POTEJ: variants seen among roughly 807,000 people sequenced by gnomAD.
POTEJ encodes the protein POTE ankyrin domain family, member J.
In POTEJ, 11 loss-of-function variants were observed where a neutral mutation model predicts 69.0. The ratio of observed to expected loss-of-function variants is 0.16; its 90% confidence interval spans 0.10 to 0.26. POTEJ has a LOEUF of 0.26. Among genes scored for constraint, POTEJ ranks in the 10% least tolerant of loss-of-function variants. The pLI, the probability that POTEJ is intolerant of heterozygous loss-of-function variation, is 1.00. For missense variants in POTEJ, 327 were observed against 1,045.5 expected, an observed-to-expected ratio of 0.31 and a Z score of 9.48; for synonymous variants, 117 against 381.1, an observed-to-expected ratio of 0.31 and a Z score of 8.07.
Position 130,646,468 on chromosome 2 carries a change from C to T in POTEJ, c.1667+158C>T, listed in dbSNP as rs181166167. ...TGAAAATCAGCAAACAATCAGTTAC[C>T]GTTTTTTTTCCAGTCGTTAATTTAT... On this transcript the variant is annotated intron_variant, in intron 13 of 14. Transcript: ENST00000409602. Among the ~76,000 whole-genome samples, 6 of 132,144 alleles carry T rather than the reference C, an allele frequency of 4.5e-5. No homozygotes were observed. In the East Asian group the frequency reaches 1.0e-3, roughly 22 times the overall value. The allele number at this position is 132,144 out of a possible 152,430, so 86.7% of individuals were successfully genotyped here.
intron 10 of POTEJ, among the ~76,000 whole-genome samples, chr2:130,640,890 C>A (rs1489171889): frequency 1.3e-5 from 2 of 152,170 alleles, no homozygotes; most frequent in African/African-American, 4.8e-5. Context: ...AGGGAGCCAA[C>A]AATGTGTGCT....
chr2:130,637,349 C>T (rs1295452934), intron 9 of POTEJ, among the ~76,000 whole-genome samples: 2 of 151,160 alleles, frequency 1.3e-5, no homozygotes. Context: ...TGGAGTCTCG[C>T]TGTATCGCCC....
chr2:130,645,300 T>C (rs1363865027), intron 11 of POTEJ, among the ~76,000 whole-genome samples: 10 of 33,268 alleles, frequency 3.0e-4, no homozygotes. Flanking sequence ...AGCACTTCAG[T>C]GCACTGTAGG....
chr2:130,641,725 G>C (rs1449615565), intron 10 of POTEJ, among the ~76,000 whole-genome samples: 1 of 151,904 alleles, frequency 6.6e-6, no homozygotes, highest in African/African-American at 2.4e-5. Context: ...TTCTATGCAT[G>C]TTTAATGGAA....
chr2:130,649,535 C>A (rs1686725097), intron 13 of POTEJ, among the ~76,000 whole-genome samples: 1 of 152,076 alleles, frequency 6.6e-6, no homozygotes, highest in African/African-American at 2.4e-5. Flanking sequence ...AAAGCTTCCC[C>A]TTTCATCAAT....
At chr2:130,626,881 G>C (rs924661844) in intron 6 of POTEJ, among the ~76,000 whole-genome samples, 1 of 152,150 alleles carries the variant, frequency 6.6e-6, no homozygotes, top group Non-Finnish European at 1.5e-5. Context: ...TTTTTTTCAT[G>C]TAAGAAATAA....
At chr2:130,652,101 T>C (rs1686830254) in intron 13 of POTEJ, among the ~76,000 whole-genome samples, 3 of 137,920 alleles carry the variant, frequency 2.2e-5, no homozygotes, top group Admixed American at 2.1e-4. Context: ...CATGCTGTTC[T>C]TGTGATAGTG....
In POTEJ at chr2:130,657,390, A is replaced by T; in HGVS notation, c.2630A>T (p.Glu877Val). The change falls in exon 15 of 15, where the codon GAG becomes GTG. Residue 877 changes from glutamate (E) to valine (V), a missense_variant. By Grantham distance (121) the Glu-to-Val change is moderately radical (BLOSUM62 -2). Transcript: ENST00000409602. ...CGGGAAATCGTGCGTGACATCAAAG[A>T]GAAGCTGTGCTATGTTGCCCTGGAC... Reference protein sequence around the residue: ...AEREIVRDIKEKLCYVALDFE... With the variant: ...AEREIVRDIKVKLCYVALDFE... 6.3e-7 allele frequency: 1 copy of T among 1,586,590 alleles called. No individual in the cohort carries two copies. The highest frequency in any genetic ancestry group is 8.6e-7 in the Non-Finnish European group (1 of 1,160,342).
intron 3 of POTEJ, among the ~76,000 whole-genome samples, chr2:130,617,806 T>TTG (rs760103928): frequency 6.4e-3 from 976 of 151,362 alleles, no homozygotes; most frequent in African/African-American, 0.02. Flanking sequence ...CATGAAGAGG[T>TTG]TGTGTGTGTG....
rs745596739 is a variant in POTEJ, at chr2:130,657,389, G to A, written c.2629G>A (p.Glu877Lys). The part of the protein sequence containing the change: ...AEREIVRDIK[E>K]KLCYVALDFE... ...GCGGGAAATCGTGCGTGACATCAAA[G>A]AGAAGCTGTGCTATGTTGCCCTGGA... The change falls in exon 15 of 15, where the codon GAG (glutamate) becomes AAG (lysine). Residue 877 changes from glutamate to lysine, a missense_variant. Physicochemically the swap from Glu to Lys is moderately conservative, Grantham distance 56. Transcript: ENST00000409602. The A allele has an allele frequency of 4.7e-5, 75 of 1,586,020 alleles. No individual in the cohort carries two copies. In the Admixed American group the frequency reaches 1.0e-3, roughly 22 times the overall value.
intron 6 of POTEJ, among the ~76,000 whole-genome samples, chr2:130,625,382 TTA>T (rs1685666834): frequency 6.6e-6 from 1 of 151,922 alleles, no homozygotes; most frequent in Non-Finnish European, 1.5e-5. Context: ...GAGCTTTTTG[TTA>T]TCATTGTCAT....
At chr2:130,653,252 C>T (rs1302885430) in intron 13 of POTEJ, among the ~76,000 whole-genome samples, 1 of 143,058 alleles carries the variant, frequency 7.0e-6, no homozygotes, top group African/African-American at 2.7e-5. Flanking sequence ...CTTTTTTTCC[C>T]AGCACCATTT....
rs1379724997 is a variant in POTEJ at position 130,654,553 on chromosome 2, A to T, written c.1668-368A>T. ...TCTGTCACCATCTTCCGTCACCCCC[A>T]AATGGGACCATCTAGTTGCAGGAAA... On this transcript the variant is annotated intron_variant, in intron 13 of 14. Coordinates refer to ENST00000409602, the MANE Select transcript of POTEJ (RefSeq NM_001277083.2). Among the ~76,000 whole-genome samples, 21 of 146,400 alleles carry T rather than the reference A, an allele frequency of 1.4e-4. No homozygotes were observed. The Admixed American group carries it at 1.5e-3, about 10-fold the overall frequency.
chr2:130,639,129 G>T (rs1407001553), intron 10 of POTEJ, among the ~76,000 whole-genome samples: 2 of 152,310 alleles, frequency 1.3e-5, no homozygotes, highest in Admixed American at 1.3e-4. Flanking sequence ...ATAAGGAGTG[G>T]CTGTAAATAC....
intron 13 of POTEJ, among the ~76,000 whole-genome samples, chr2:130,648,463 G>A (rs1189786660): frequency 7.2e-6 from 1 of 139,338 alleles, no homozygotes; most frequent in African/African-American, 3.0e-5. Context: ...ATTCACTCTT[G>A]ATCTCAATGC....
At chr2:130,640,843 T>C (rs879540466) in intron 10 of POTEJ, among the ~76,000 whole-genome samples, 224 of 152,090 alleles carry the variant, frequency 1.5e-3, no homozygotes, top group Non-Finnish European at 2.6e-3. Context: ...TAGACTTATG[T>C]TTTTTCTGCC....
At chr2:130,627,125 G>T (rs577707926) in intron 6 of POTEJ, among the ~76,000 whole-genome samples, 2 of 152,030 alleles carry the variant, frequency 1.3e-5, no homozygotes, top group Non-Finnish European at 2.9e-5. Flanking sequence ...AAATTTTCTG[G>T]TGAATACCGA....
intron 13 of POTEJ, among the ~76,000 whole-genome samples, chr2:130,650,301 C>T (rs1347728517): frequency 1.0e-4 from 16 of 152,384 alleles, no homozygotes; most frequent in South Asian, 4.1e-4. Context: ...TCCCAACTTT[C>T]CCACCACCCT....
At chr2:130,625,233 C>G (rs866909500) in intron 6 of POTEJ, among the ~76,000 whole-genome samples, 425 of 151,022 alleles carry the variant, frequency 2.8e-3, no homozygotes, top group Admixed American at 3.8e-3. Context: ...CATTTCTGTG[C>G]TTTTTCAACA....
Sources: allele counts gnomAD v4.1 joint callset (sites outside exome capture counted in the v4.1 genomes callset), GRCh38; gene constraint gnomAD v4.1.1; transcripts MANE v1.5; gene names NCBI Gene and HGNC (gene_info 2026-07-23, HGNC 2026-07-21).